Variants in EEFSEC observed in about 807,000 individuals in gnomAD.
EEFSEC encodes selenocysteine-specific elongation factor.
A neutral mutation model predicts 42.1 loss-of-function variants in EEFSEC; 43 were observed. The observed-to-expected ratio is 1.02, with a 90% CI of 0.80 to 1.32. The LOEUF (loss-of-function observed/expected upper bound fraction) is 1.32. Among genes scored for constraint, EEFSEC ranks in the 40% most tolerant of loss-of-function variants. The probability of loss-of-function intolerance (pLI) is 0.00; values close to 1 mark genes in which losing one functional copy is unlikely to be tolerated. For synonymous variants in EEFSEC, 354 were observed against 339.1 expected, an observed-to-expected ratio of 1.04 and a Z score of -0.48; for missense variants, 745 against 803.6, an observed-to-expected ratio of 0.93 and a Z score of 0.88.
chr3:128,164,596 A>G (rs540303368), intron 1 of EEFSEC, among the ~76,000 whole-genome samples: 3 of 152,330 alleles, frequency 2.0e-5, no homozygotes, highest in East Asian at 1.9e-4. Flanking sequence ...GCTGGGTCAC[A>G]GGCCAGTCCA....
intron 4 of EEFSEC, among the ~76,000 whole-genome samples, chr3:128,275,477 A>G (rs932994953): frequency 1.3e-5 from 2 of 152,232 alleles, no homozygotes; most frequent in Non-Finnish European, 2.9e-5. Flanking sequence ...GATGCGTGTC[A>G]TGTCGGGGAC....
intron 1 of EEFSEC, among the ~76,000 whole-genome samples, chr3:128,238,358 A>C (rs2066034162): frequency 6.6e-6 from 1 of 152,198 alleles, no homozygotes; most frequent in African/African-American, 2.4e-5. Flanking sequence ...TCAAGTTGTA[A>C]ATGTTGGCAG....
At position 128,408,088 on chromosome 3, in the gene EEFSEC, C is replaced by G. The variant is rs755011393; in HGVS notation, c.1620C>G (p.Ser540=). The change falls in exon 7 of 7, where the codon TCC becomes TCG. Residue 540 remains serine (S), a synonymous_variant. Transcript: ENST00000254730. The part of the protein sequence containing the change: ...IHIPGGLSPE[S]KKILTPALKK... The stretch of plus-strand genomic sequence containing the variant: ...TTGCAGGTGGCCTCAGCCCCGAGTC[C>G]AAGAAGATCCTGACACCCGCCCTCA... 5 of 1,588,492 alleles carry G rather than the reference C, an allele frequency of 3.1e-6. No individual in the cohort carries two copies. Among genetic ancestry groups the G allele is most frequent in the Non-Finnish European group, 8.6e-7 (1 of 1,167,512 alleles).
chr3:128,196,184 A>G (rs562424525), intron 1 of EEFSEC, among the ~76,000 whole-genome samples: 3 of 152,410 alleles, frequency 2.0e-5, no homozygotes, highest in East Asian at 1.9e-4. Flanking sequence ...TCTGACATAT[A>G]TAACTCCAAA....
intron 2 of EEFSEC, among the ~76,000 whole-genome samples, chr3:128,258,538 C>G (rs1415694407): frequency 6.6e-6 from 1 of 152,080 alleles, no homozygotes; most frequent in African/African-American, 2.4e-5. Flanking sequence ...AAGCATCTAG[C>G]CAGGTGCTGT....
intron 6 of EEFSEC, chr3:128,362,184 C>T (rs768576636): frequency 3.8e-6 from 2 of 522,062 alleles, no homozygotes; most frequent in Non-Finnish European, 3.9e-6. Flanking sequence ...CCGCTGCCAC[C>T]CTCCCCTCTG....
At chr3:128,268,347 T>C (rs1260473415) in intron 4 of EEFSEC, among the ~76,000 whole-genome samples, 1 of 152,158 alleles carries the variant, frequency 6.6e-6, no homozygotes, top group African/African-American at 2.4e-5. Context: ...GAGCTGATGA[T>C]AATTTAGATG....
At position 128,317,792 on chromosome 3, in the gene EEFSEC, C is replaced by G. The variant is rs1393224417; in HGVS notation, c.787-23441C>G. ...TCTGCAGGCCTCAGGGCCTTTGCCC[C>G]CTTCAGCCTTCTGCTCCAGCTGCTC... On this transcript the variant is annotated intron_variant, in intron 4 of 6. Transcript: ENST00000254730. The surrounding 1 kb of genome is among the most constrained non-coding windows in gnomAD (Gnocchi z 4.1). 2.6e-5 allele frequency among the ~76,000 whole-genome samples: 4 copies of G among 152,250 alleles called. No individual in the cohort carries two copies. Among genetic ancestry groups the G allele is most frequent in the Admixed American group, 2.0e-4 (3 of 15,292 alleles).
In EEFSEC at chr3:128,247,063, C is replaced by T; in HGVS notation, c.524+20C>T. On this transcript the variant is annotated intron_variant, in intron 2 of 6. Transcript: ENST00000254730. Reference sequence around the variant, plus strand: ...CACCAAGTAGGTCTGCTAATGAGAGCAATGTTCACTGCATAAGAAGGCTTC... The same window carrying T: ...CACCAAGTAGGTCTGCTAATGAGAGTAATGTTCACTGCATAAGAAGGCTTC... 1 of 1,611,810 alleles carries T rather than the reference C, an allele frequency of 6.2e-7. No homozygotes were observed. Among genetic ancestry groups the T allele is most frequent in the Non-Finnish European group, 8.5e-7 (1 of 1,178,502 alleles).
At chr3:128,377,580 AC>A (rs2067724641) in intron 6 of EEFSEC, among the ~76,000 whole-genome samples, 1 of 152,262 alleles carries the variant, frequency 6.6e-6, no homozygotes, top group African/African-American at 2.4e-5. Context: ...CGTAACAGTA[AC>A]CAACCTTGCC....
intron 1 of EEFSEC, among the ~76,000 whole-genome samples, chr3:128,162,523 C>T (rs549144753): frequency 1.3e-5 from 2 of 152,194 alleles, no homozygotes; most frequent in Non-Finnish European, 2.9e-5. Context: ...GTCTGCGGCA[C>T]CTTCTCTTGG....
At chr3:128,234,012 C>G (rs546569035) in intron 1 of EEFSEC, among the ~76,000 whole-genome samples, 7 of 150,896 alleles carry the variant, frequency 4.6e-5, no homozygotes, top group African/African-American at 1.7e-4. Flanking sequence ...GATTCCCTGA[C>G]CTGTAGTCAT....
At chr3:128,255,844 G>C (rs2066236466) in intron 2 of EEFSEC, among the ~76,000 whole-genome samples, 1 of 152,084 alleles carries the variant, frequency 6.6e-6, no homozygotes, top group Non-Finnish European at 1.5e-5. Flanking sequence ...GGAGGGGCTG[G>C]GGAGCGGGGC....
At chr3:128,284,371 G>C (rs2066561217) in intron 4 of EEFSEC, among the ~76,000 whole-genome samples, 2 of 151,880 alleles carry the variant, frequency 1.3e-5, no homozygotes, top group Admixed American at 6.5e-5. Context: ...TGGAGCTATA[G>C]AAATGCATGA....
chr3:128,260,599 C>T (rs1576587995), intron 2 of EEFSEC, among the ~76,000 whole-genome samples: 2 of 152,194 alleles, frequency 1.3e-5, no homozygotes, highest in South Asian at 4.1e-4. Flanking sequence ...CATGATCGTT[C>T]TCTGGAAGAA....
chr3:128,185,724 G>A (rs1370093279), intron 1 of EEFSEC, among the ~76,000 whole-genome samples: 1 of 152,124 alleles, frequency 6.6e-6, no homozygotes, highest in African/African-American at 2.4e-5. Flanking sequence ...ACCACGCCTG[G>A]CCAGTGTAAT....
intron 5 of EEFSEC, among the ~76,000 whole-genome samples, chr3:128,342,435 T>G (rs965000219): frequency 1.2e-4 from 19 of 152,170 alleles, no homozygotes; most frequent in Non-Finnish European, 2.2e-4. Flanking sequence ...GGTGGCCAGG[T>G]CTTTCCTCAC....
chr3:128,181,529 A>G (rs1369464241), intron 1 of EEFSEC, among the ~76,000 whole-genome samples: 1 of 152,208 alleles, frequency 6.6e-6, no homozygotes, highest in Non-Finnish European at 1.5e-5. Context: ...AGAAGCGGTG[A>G]TATAAAATGG....
At chr3:128,262,770 G>A (rs1187351511) in intron 3 of EEFSEC, among the ~76,000 whole-genome samples, 2 of 152,354 alleles carry the variant, frequency 1.3e-5, no homozygotes, top group South Asian at 2.1e-4. Flanking sequence ...ACTTGTGCTG[G>A]TAGTCAGGGA....
Sources: allele counts gnomAD v4.1 joint callset (sites outside exome capture counted in the v4.1 genomes callset), GRCh38; gene constraint gnomAD v4.1.1; non-coding constraint Gnocchi (gnomAD v3.1); transcripts MANE v1.5; gene names NCBI Gene and HGNC (gene_info 2026-07-23, HGNC 2026-07-21).